NBAS: variants seen among roughly 807,000 people sequenced by gnomAD.
NBAS encodes the protein NAG/BC035112 fusion.
NBAS carries 219 observed loss-of-function variants against 302.5 expected under a neutral mutation model. The ratio of observed to expected loss-of-function variants is 0.72; its 90% CI spans 0.65 to 0.81. The LOEUF (loss-of-function observed/expected upper bound fraction) is 0.81. Ranked by LOEUF, NBAS falls within the 30% of genes least tolerant of loss-of-function variation. NBAS has a pLI of 0.00. For missense variants in NBAS, 2,932 were observed against 2,841.6 expected (o/e 1.03, Z -0.72); for synonymous variants, 1,118 against 1,021.6 (o/e 1.09, Z -1.80).
At chr2:15,524,167 T>G (rs1651179655) in intron 9 of NBAS, among the ~76,000 whole-genome samples, 1 of 152,228 alleles carries the variant, frequency 6.6e-6, no homozygotes, top group South Asian at 2.1e-4. Context: ...CACAGATTTT[T>G]TACACAAATT....
At chr2:14,912,727 A>T in the NBAS span, among the ~76,000 whole-genome samples, 1 of 148,294 alleles carries the variant, frequency 6.7e-6, no homozygotes, top group East Asian at 1.9e-4. Context: ...AAAAAAAAAA[A>T]AGGAAATCCC....
the NBAS span, among the ~76,000 whole-genome samples, chr2:15,145,378 T>C: frequency 6.9e-6 from 1 of 145,646 alleles, no homozygotes; most frequent in Non-Finnish European, 1.5e-5. Flanking sequence ...CAAAAATGCA[T>C]TGAGATGTAT....
At chr2:15,078,301 A>G in the NBAS span, among the ~76,000 whole-genome samples, 342 of 152,330 alleles carry the variant, frequency 2.2e-3, 1 homozygote, top group Admixed American at 5.2e-3. Flanking sequence ...TAATGGGGGT[A>G]TCAGTATTAC....
At chr2:15,115,033 C>G in the NBAS span, among the ~76,000 whole-genome samples, 9 of 152,250 alleles carry the variant, frequency 5.9e-5, no homozygotes, top group Admixed American at 5.9e-4. Flanking sequence ...TTCCTTTATC[C>G]TGTCTACTAC....
chr2:14,999,090 A>C, the NBAS span, among the ~76,000 whole-genome samples: 2 of 152,068 alleles, frequency 1.3e-5, no homozygotes, highest in African/African-American at 4.8e-5. Context: ...TCTACCAGCC[A>C]TCTGTGGCAG....
chr2:15,017,861 AGCAC>A, the NBAS span, among the ~76,000 whole-genome samples: 1 of 152,094 alleles, frequency 6.6e-6, no homozygotes, highest in Admixed American at 6.6e-5. Flanking sequence ...CTTTTATGGC[AGCAC>A]TATTCATAAG....
rs71400641 is a variant in NBAS, at chr2:15,199,126, C to CAAA, written c.6433-8726_6433-8724dup. ...TGGGCGACAGAGTAAGACTCCATCT[C>CAAA]AAAAAAAAAAAAAAAAAAAGAGTTA... On this transcript the variant is annotated intron_variant, in intron 48 of 51. Transcript: ENST00000281513. Among the ~76,000 whole-genome samples, 345 of 75,112 alleles carry CAAA rather than the reference C, an allele frequency of 4.6e-3. 5 individuals are homozygous for CAAA. The highest frequency in any genetic ancestry group is 0.03 in the East Asian group (81 of 2,682). 49.3% of individuals were successfully genotyped at this position (75,112 alleles called of 152,430 possible). A position where few individuals can be genotyped will look rare whatever the true frequency, so the allele number is the denominator to read the frequency against.
chr2:15,038,698 G>T, the NBAS span, among the ~76,000 whole-genome samples: 13 of 151,772 alleles, frequency 8.6e-5, no homozygotes, highest in Non-Finnish European at 1.5e-4. Context: ...TCCTCCCCGA[G>T]GACAAGCAGC....
At chr2:15,220,128 G>T (rs1198401831) in intron 47 of NBAS, among the ~76,000 whole-genome samples, 2 of 149,414 alleles carry the variant, frequency 1.3e-5, no homozygotes, top group Non-Finnish European at 3.0e-5. Flanking sequence ...CCGGGCGGGG[G>T]GCTGACCCCC....
intron 51 of NBAS, among the ~76,000 whole-genome samples, chr2:15,170,554 G>C (rs1664250095): frequency 6.6e-6 from 1 of 152,216 alleles, no homozygotes; most frequent in Non-Finnish European, 1.5e-5. Context: ...GGAATTTTGG[G>C]TTTGGCTTCA....
the NBAS span, among the ~76,000 whole-genome samples, chr2:14,819,325 C>A: frequency 6.6e-6 from 1 of 152,196 alleles, no homozygotes; most frequent in Admixed American, 6.5e-5. Context: ...TCCTAGAAGA[C>A]CAGAAGGAGT....
chr2:15,309,216 T>C lies in NBAS; in HGVS notation c.4614A>G (p.Pro1538=). The change falls in exon 39 of 52, where the codon CCA becomes CCG. Residue 1538 remains proline (P), a synonymous_variant. Transcript: ENST00000281513. ...VLLQLASEAL[P]NDMTLALAYL... is the part of the protein sequence containing the mutation. ...AAGCAAGAGCCAAGGTCATGTCATT[T>C]GGCAAGGCTTCACTTGCTAGTTGCA... The C allele has an allele frequency of 6.2e-7, 1 of 1,612,630 alleles. No individual in the cohort carries two copies. Among genetic ancestry groups the C allele is most frequent in the South Asian group, 1.1e-5 (1 of 91,038 alleles).
At chr2:14,840,994 T>C in the NBAS span, among the ~76,000 whole-genome samples, 263 of 152,042 alleles carry the variant, frequency 1.7e-3, no homozygotes, top group African/African-American at 6.1e-3. Flanking sequence ...TGATAGGCAA[T>C]ATAAAAATAT....
At chr2:15,144,755 A>G in the NBAS span, among the ~76,000 whole-genome samples, 1 of 152,204 alleles carries the variant, frequency 6.6e-6, no homozygotes, top group African/African-American at 2.4e-5. Flanking sequence ...AGCTTTGCCA[A>G]CTCAGAAACA....
At chr2:15,327,719 A>C in intron 38 of NBAS, 31 bp downstream of exon 38, 3 of 1,613,236 alleles carry the variant, frequency 1.9e-6, no homozygotes, top group Non-Finnish European at 2.5e-6. Flanking sequence ...AGAGTTACAC[A>C]CTGTCAAGGG....
In NBAS at chr2:15,353,566, G is replaced by C. The variant is rs777143235; in HGVS notation, c.4076C>G (p.Ser1359Cys). 1 of 1,613,996 alleles carries C rather than the reference G, an allele frequency of 6.2e-7. No individual in the cohort carries two copies. The highest frequency in any genetic ancestry group is 1.1e-5 in the South Asian group (1 of 91,084). ...SIELLLAASS[S>C]LQTEILYQRV... ...CGAAGGACTTACTTCTGTCTGCAGA[G>C]AGCTGCTAGCTGCCAAAAGAAGTTC... is the stretch of plus-strand genomic sequence containing the variant. Residue 1359 changes from serine (S) to cysteine (C), a missense_variant, in exon 34 of 52, where the codon TCT (serine) becomes TGT (cysteine). Transcript: ENST00000281513.
chr2:15,212,900 C>T (rs563829763), intron 48 of NBAS, among the ~76,000 whole-genome samples: 6 of 152,222 alleles, frequency 3.9e-5, no homozygotes, highest in East Asian at 3.9e-4. Context: ...TATCCAGTTG[C>T]GGGCAGCTCT....
the NBAS span, among the ~76,000 whole-genome samples, chr2:15,138,692 G>GC: frequency 6.7e-6 from 1 of 148,700 alleles, no homozygotes; most frequent in African/African-American, 2.5e-5. Flanking sequence ...AAGTAACTGG[G>GC]CAAAAAAAAA....
the NBAS span, among the ~76,000 whole-genome samples, chr2:15,031,545 A>C: frequency 6.6e-6 from 1 of 152,170 alleles, no homozygotes; most frequent in East Asian, 1.9e-4. Flanking sequence ...GTTGGATAAA[A>C]GACAAGAGAG....
Sources: allele counts gnomAD v4.1 joint callset (sites outside exome capture counted in the v4.1 genomes callset), GRCh38; gene constraint gnomAD v4.1.1; transcripts MANE v1.5; gene names NCBI Gene and HGNC (gene_info 2026-07-23, HGNC 2026-07-21).